The following XPC variants were observed in gnomAD, a reference collection of about 807,000 sequenced individuals.
XPC encodes the protein XPC complex subunit, DNA damage recognition and repair factor.
In XPC, 76 loss-of-function variants were observed where a neutral mutation model predicts 95.8. The ratio of observed to expected loss-of-function variants is 0.79; its 90% CI spans 0.66 to 0.96. The LOEUF (loss-of-function observed/expected upper bound fraction) is 0.96, where lower values mean the gene tolerates loss of function less well. XPC is among the 40% of genes least tolerant of loss of function. The pLI is 0.00. For synonymous variants in XPC, 442 were observed against 442.1 expected, an observed-to-expected ratio of 1.00 and a Z score of 0.00; for missense variants, 1,146 against 1,179.8, an observed-to-expected ratio of 0.97 and a Z score of 0.42.
At chr3:14,171,458 T>C (rs1696609162) in intron 2 of XPC, among the ~76,000 whole-genome samples, 1 of 152,180 alleles carries the variant, frequency 6.6e-6, no homozygotes, top group South Asian at 2.1e-4. Flanking sequence ...GGCAGTATCG[T>C]GGCCTATCTC....
In XPC at chr3:14,152,317, C is replaced by A. The variant is rs1028245494; in HGVS notation, c.2115+18G>T. 3 of 1,605,954 alleles carry A rather than the reference C, an allele frequency of 1.9e-6. No individual in the cohort carries two copies. Among genetic ancestry groups the A allele is most frequent in the African/African-American group, 2.7e-5 (2 of 74,688 alleles). ...CCTGTGTCACCACTCCCCACAGGGA[C>A]CCCCCAGCTCCAGTTACCTTGTAGG... On this transcript the variant is annotated intron_variant, in intron 11 of 15. Coordinates refer to ENST00000285021, the MANE Select transcript of XPC (RefSeq NM_004628.5).
chr3:14,175,738 G>A (rs1696789923), intron 1 of XPC, among the ~76,000 whole-genome samples: 1 of 152,176 alleles, frequency 6.6e-6, no homozygotes, highest in African/African-American at 2.4e-5. Context: ...ACCTTCATTT[G>A]CATGTACAGG....
At chr3:14,170,612 G>C in intron 2 of XPC, 62 bp from the exon 3 acceptor site, 1 of 1,311,172 alleles carries the variant, frequency 7.6e-7, no homozygotes, top group Non-Finnish European at 1.1e-6. Context: ...TTCCATTCAA[G>C]CTAAATGGAA....
At chr3:14,146,323 G>A (rs564341250) in intron 15 of XPC, among the ~76,000 whole-genome samples, 164 bp from the exon 16 acceptor site, 3 of 152,124 alleles carry the variant, frequency 2.0e-5, no homozygotes, top group South Asian at 2.1e-4. Context: ...CCTTCTTACT[G>A]AGCCGTCCCA....
At chr3:14,168,133 C>T in intron 4 of XPC, 124 bp downstream of exon 4, 1 of 1,344,716 alleles carries the variant, frequency 7.4e-7, no homozygotes, top group Non-Finnish European at 9.8e-7. Context: ...GGTTCCTGAC[C>T]CAAGGTTCTC....
At chr3:14,161,935 A>G (rs1404562036) in intron 7 of XPC, among the ~76,000 whole-genome samples, 1 of 152,180 alleles carries the variant, frequency 6.6e-6, no homozygotes, top group Non-Finnish European at 1.5e-5. Context: ...TAGTAGAGCT[A>G]ATAAATGAAT....
At chr3:14,172,487 T>G (rs955877104) in intron 2 of XPC, among the ~76,000 whole-genome samples, 3 of 152,154 alleles carry the variant, frequency 2.0e-5, no homozygotes, top group Non-Finnish European at 4.4e-5. Flanking sequence ...CAGTGAATGA[T>G]GAGAAGCTCA....
At chr3:14,154,622 G>GT (rs1332869082) in intron 10 of XPC, among the ~76,000 whole-genome samples, 1 of 152,192 alleles carries the variant, frequency 6.6e-6, no homozygotes, top group African/African-American at 2.4e-5. Context: ...AAGGAGAATG[G>GT]TGGGTGCAGG....
chr3:14,171,582 C>T (rs1285499575), intron 2 of XPC, among the ~76,000 whole-genome samples: 8 of 152,226 alleles, frequency 5.3e-5, no homozygotes, highest in East Asian at 1.9e-4. Flanking sequence ...CAATGGCTCA[C>T]GCCTGTAAGC....
At chr3:14,170,322 T>A (rs994450896) in intron 3 of XPC, 116 bp downstream of exon 3, 3 of 958,672 alleles carry the variant, frequency 3.1e-6, no homozygotes, top group Non-Finnish European at 4.8e-6. Flanking sequence ...TTATCTGTGG[T>A]CTAATTAGCT....
chr3:14,164,764 A>C, intron 7 of XPC, 49 bp downstream of exon 7: 1 of 1,588,192 alleles, frequency 6.3e-7, no homozygotes, highest in Non-Finnish European at 8.6e-7. Flanking sequence ...TGCCATTATC[A>C]TTAGTTAACA....
intron 4 of XPC, 43 bp downstream of exon 4, chr3:14,168,214 T>TACTGCATGTGACAGGA: frequency 6.4e-7 from 1 of 1,571,458 alleles, no homozygotes; most frequent in Non-Finnish European, 8.6e-7. Flanking sequence ...AGCTGTTGCC[T>TACTGCATGTGACAGGA]ACTGCATGTG....
At position 14,147,979 on chromosome 3, in the gene XPC, C is replaced by T. The variant is rs762187226; in HGVS notation, c.2443G>A (p.Glu815Lys). Reference protein sequence around the residue: ...HPVTDGYIVCEEFKDVLLTAW... With the variant: ...HPVTDGYIVCKEFKDVLLTAW... The stretch of plus-strand genomic sequence containing the variant: ...GTCAGGAGCACGTCTTTGAATTCCT[C>T]GCAGACGATGTATCCATCAGTCCTG... Residue 815 changes from glutamate (E) to lysine (K), a missense_variant, in exon 14 of 16, where the codon GAG (glutamate) becomes AAG (lysine). Transcript: ENST00000285021. 1.4e-5 allele frequency: 23 copies of T among 1,593,042 alleles called. No homozygotes were observed. The highest frequency in any genetic ancestry group is 3.4e-5 in the South Asian group (3 of 87,786).
Position 14,158,765 on chromosome 3 carries a change from G to C in XPC, c.1118C>G (p.Ala373Gly). Residue 373 changes from alanine (A) to glycine (G), a missense_variant, in exon 9 of 16, where the codon GCT becomes GGT. Transcript: ENST00000285021. The surrounding 1 kb of genome is among the most constrained non-coding windows in gnomAD (Gnocchi z 5.2). Reference sequence around the variant, plus strand: ...GGCACTTGGCCTGCAGGTGCCCTTAGCAAAGGTTTCCTCTTGTTTGGTTCC... The same window carrying C: ...GGCACTTGGCCTGCAGGTGCCCTTACCAAAGGTTTCCTCTTGTTTGGTTCC... Reference protein sequence around the residue: ...SKGTKQEETFAKGTCRPSAKG... With the variant: ...SKGTKQEETFGKGTCRPSAKG... 1 of 1,613,876 alleles carries C rather than the reference G, an allele frequency of 6.2e-7. No homozygotes were observed. The highest frequency in any genetic ancestry group is 8.5e-7 in the Non-Finnish European group (1 of 1,179,880).
chr3:14,152,528 T>C, intron 10 of XPC, 112 bp from the exon 11 acceptor site: 1 of 1,040,994 alleles, frequency 9.6e-7, no homozygotes, highest in Non-Finnish European at 1.4e-6. Context: ...TCAGCCACCC[T>C]GGAGCAGGCC....
At chr3:14,156,527 G>A in intron 9 of XPC, 32 bp from the exon 10 acceptor site, 1 of 1,613,376 alleles carries the variant, frequency 6.2e-7, no homozygotes, top group Middle Eastern at 1.7e-4. Flanking sequence ...GGTTGAGCAT[G>A]TTATTTAGAA....
chr3:14,158,386 C>G lies in XPC; in HGVS notation c.1497G>C (p.Ala499=), dbSNP rs150344169. Residue 499 remains alanine, a synonymous_variant, in exon 9 of 16, where the codon GCG becomes GCC. Transcript: ENST00000285021. The surrounding 1 kb of genome is among the most constrained non-coding windows in gnomAD (Gnocchi z 5.2). ...TACTGCTTGAAGAGCTTGAGGATGC[C>G]GCTGGCAAGCTTGGGTCCTTACGAT... is the stretch of plus-strand genomic sequence containing the variant. ...GSHRKDPSLP[A]ASSSSSSSKR... 1 of 1,613,868 alleles carries G rather than the reference C, an allele frequency of 6.2e-7. No individual in the cohort carries two copies. Among genetic ancestry groups the G allele is most frequent in the Admixed American group, 1.7e-5 (1 of 60,012 alleles).
rs779481218 is a variant in XPC at position 14,158,208 on chromosome 3, A to G, written c.1675T>C (p.Tyr559His). The change falls in exon 9 of 16, where the codon TAC (tyrosine) becomes CAC (histidine). Residue 559 changes from tyrosine (Y) to histidine (H), a missense_variant. Coordinates refer to ENST00000285021, the MANE Select transcript of XPC (RefSeq NM_004628.5). The surrounding 1 kb of genome is among the most constrained non-coding windows in gnomAD (Gnocchi z 5.2). ...GTCATGGGCTTGGTGGCGTACTTGTAACAGGTCAGAGGCTGGCCCACCACA... is the reference window on the plus strand; with the variant it reads ...GTCATGGGCTTGGTGGCGTACTTGTGACAGGTCAGAGGCTGGCCCACCACA... Reference protein sequence around the residue: ...HGVVGQPLTCYKYATKPMTYV... With the variant: ...HGVVGQPLTCHKYATKPMTYV... 1.2e-6 allele frequency: 2 copies of G among 1,613,862 alleles called. No individual in the cohort carries two copies. Among genetic ancestry groups the G allele is most frequent in the Non-Finnish European group, 1.7e-6 (2 of 1,179,872 alleles).
At chr3:14,165,027 G>A in intron 6 of XPC, 94 bp from the exon 7 acceptor site, 2 of 1,484,330 alleles carry the variant, frequency 1.3e-6, no homozygotes, top group Non-Finnish European at 1.8e-6. Context: ...AGTGAATCGT[G>A]AGACCCGCCT....
Sources: gnomAD v4.1 joint callset for allele counts (sites outside exome capture counted in the v4.1 genomes callset) on GRCh38, gnomAD v4.1.1 for gene constraint, Gnocchi (gnomAD v3.1) non-coding constraint, MANE v1.5 for transcripts, NCBI Gene and HGNC (gene_info 2026-07-23, HGNC 2026-07-21) for gene names.